The following ASIC2 variants were observed in gnomAD, a reference collection of about 807,000 sequenced individuals.
ASIC2 encodes acid sensing ion channel subunit 2.
A neutral mutation model predicts 57.3 loss-of-function variants in ASIC2; 25 were observed. The ratio of observed to expected loss-of-function variants is 0.44; its 90% confidence interval spans 0.32 to 0.61. The LOEUF (loss-of-function observed/expected upper bound fraction) is 0.61, where lower values mean the gene tolerates loss of function less well. ASIC2 is among the 20% of genes least tolerant of loss of function. ASIC2 has a pLI of 0.06. For missense variants in ASIC2, 641 were observed against 738.1 expected (o/e 0.87, Z 1.52); for synonymous variants, 319 against 307.5 (o/e 1.04, Z -0.39).
chr17:33,138,102 G>A (rs2092373220), intron 1 of ASIC2, among the ~76,000 whole-genome samples: 1 of 152,194 alleles, frequency 6.6e-6, no homozygotes, highest in Non-Finnish European at 1.5e-5. Flanking sequence ...CTGGGAGGTG[G>A]TTATTCAAGA....
At chr17:33,867,442 C>A (rs1170482095) in intron 1 of ASIC2, among the ~76,000 whole-genome samples, 1 of 152,188 alleles carries the variant, frequency 6.6e-6, no homozygotes, top group Non-Finnish European at 1.5e-5. Flanking sequence ...ATAAAATGAA[C>A]TTACCAAGGT....
At chr17:33,398,976 C>T (rs1015900274) in intron 1 of ASIC2, among the ~76,000 whole-genome samples, 4 of 152,146 alleles carry the variant, frequency 2.6e-5, no homozygotes, top group Admixed American at 1.3e-4. Flanking sequence ...ATCACAGATA[C>T]CTTGGAAGTG....
At chr17:33,807,693 G>A (rs1432075021) in intron 1 of ASIC2, among the ~76,000 whole-genome samples, 1 of 152,058 alleles carries the variant, frequency 6.6e-6, no homozygotes, top group Non-Finnish European at 1.5e-5. Context: ...TCCAATCACT[G>A]AAACAACCCT....
At chr17:34,074,190 A>C (rs1424412054) in intron 1 of ASIC2, among the ~76,000 whole-genome samples, 1 of 152,152 alleles carries the variant, frequency 6.6e-6, no homozygotes, top group Non-Finnish European at 1.5e-5. Context: ...ATATTTTAAC[A>C]AGACCTCCAG....
At chr17:33,384,228 C>A (rs1172419900) in intron 1 of ASIC2, among the ~76,000 whole-genome samples, 1 of 152,210 alleles carries the variant, frequency 6.6e-6, no homozygotes, top group Non-Finnish European at 1.5e-5. Flanking sequence ...TAAGAAGGAA[C>A]ATGATTGCCC....
chr17:33,328,876 G>A (rs2142223292), intron 1 of ASIC2, among the ~76,000 whole-genome samples: 1 of 152,274 alleles, frequency 6.6e-6, no homozygotes, highest in East Asian at 1.9e-4. Context: ...TTAGTCTCCA[G>A]GGGATACCCT....
chr17:33,598,920 T>C (rs754214894), intron 1 of ASIC2, among the ~76,000 whole-genome samples: 1 of 152,152 alleles, frequency 6.6e-6, no homozygotes, highest in Non-Finnish European at 1.5e-5. Flanking sequence ...AGACTGCCTA[T>C]AGGGTATGCA....
intron 1 of ASIC2, among the ~76,000 whole-genome samples, chr17:34,067,265 C>T (rs1443017279): frequency 6.6e-6 from 1 of 152,052 alleles, no homozygotes; most frequent in African/African-American, 2.4e-5. Flanking sequence ...ACACAGAGGC[C>T]TGGGCATGTA....
At chr17:33,369,044 C>T (rs912916163) in intron 1 of ASIC2, among the ~76,000 whole-genome samples, 1 of 152,170 alleles carries the variant, frequency 6.6e-6, no homozygotes, top group Non-Finnish European at 1.5e-5. Context: ...GATAAAGGCC[C>T]TCTGCTTCCC....
chr17:33,407,872 C>T (rs927251934), intron 1 of ASIC2, among the ~76,000 whole-genome samples: 1 of 152,160 alleles, frequency 6.6e-6, no homozygotes, highest in African/African-American at 2.4e-5. Context: ...GGATCAAATG[C>T]CAGGCCAGGA....
intron 1 of ASIC2, among the ~76,000 whole-genome samples, chr17:33,902,557 C>T (rs9894728): frequency 0.42 from 63,385 of 152,130 alleles, 13,434 homozygotes; most frequent in Admixed American, 0.46. Context: ...GGCTCTGCAG[C>T]CAGCCGGTAT....
chr17:34,071,065 G>A (rs1909380752), intron 1 of ASIC2: 1 of 152,092 alleles, frequency 6.6e-6, no homozygotes, highest in African/African-American at 2.4e-5. Flanking sequence ...CAGAAGTCCA[G>A]AAGTCAGTAG....
chr17:33,123,084 T>C (rs11654732), intron 1 of ASIC2, among the ~76,000 whole-genome samples: 38,712 of 152,122 alleles, frequency 0.25, 4,963 homozygotes, highest in East Asian at 0.43. Context: ...CAGTATGGCA[T>C]GTCCTCAAAA....
chr17:33,634,766 G>A lies in ASIC2; in HGVS notation c.555+521212C>T, dbSNP rs1906299844. 3 of 149,336 alleles carry A rather than the reference G, an allele frequency of 2.0e-5. 1 individual carries two copies. The South Asian group carries it at 6.4e-4, about 32-fold the overall frequency. 9.3% of individuals were successfully genotyped at this position (149,336 alleles called of 1,614,324 possible). ...GACGGGGTTTCGCCCTATTAGCCAG[G>A]ATGGTCTCAATCTCCTGACCTCGTG... On this transcript the variant is annotated intron_variant, in intron 1 of 9. Coordinates refer to the ASIC2 transcript ENST00000359872.
chr17:33,744,287 T>C (rs1910195757), intron 1 of ASIC2, among the ~76,000 whole-genome samples: 1 of 152,214 alleles, frequency 6.6e-6, no homozygotes, highest in African/African-American at 2.4e-5. Context: ...ACCAAACTGC[T>C]GAGCAATTTA....
At position 33,486,383 on chromosome 17, in the gene ASIC2, T is replaced by A. The variant is rs149523157; in HGVS notation, c.556-374316A>T. Among the ~76,000 whole-genome samples the A allele has an allele frequency of 5.5e-3, 843 of 152,322 alleles. 6 individuals carry two copies. Among genetic ancestry groups the A allele is most frequent in the Middle Eastern group, 0.01 (3 of 294 alleles). On this transcript the variant is annotated intron_variant, in intron 1 of 9. Coordinates refer to the ASIC2 transcript ENST00000359872. ...GCTTTTGAACCAAGGCAATCTGGCT[T>A]CAGAGTCCATCAGCTTACTCACTGC... is the stretch of plus-strand genomic sequence containing the variant.
At chr17:33,578,052 G>A (rs1916693580) in intron 1 of ASIC2, among the ~76,000 whole-genome samples, 1 of 152,124 alleles carries the variant, frequency 6.6e-6, no homozygotes, top group African/African-American at 2.4e-5. Flanking sequence ...TTTCTGGGTG[G>A]AGCTGAATTT....
intron 1 of ASIC2, among the ~76,000 whole-genome samples, chr17:33,153,231 G>A (rs1904871895): frequency 6.6e-6 from 1 of 152,224 alleles, no homozygotes; most frequent in South Asian, 2.1e-4. Flanking sequence ...CCCCCAGTGT[G>A]GGGTTCTCCC....
intron 1 of ASIC2, among the ~76,000 whole-genome samples, chr17:33,780,680 T>C (rs930500256): frequency 4.6e-5 from 7 of 152,086 alleles, no homozygotes; most frequent in African/African-American, 1.7e-4. Context: ...GAATCAGCAG[T>C]TATGTGGCGG....
Sources: allele counts gnomAD v4.1 joint callset (sites outside exome capture counted in the v4.1 genomes callset), GRCh38; gene constraint gnomAD v4.1.1; transcripts MANE v1.5; gene names NCBI Gene and HGNC (gene_info 2026-07-23, HGNC 2026-07-21).